PPFIA2: variants seen among roughly 807,000 people sequenced by gnomAD.
PPFIA2 encodes PPFI scaffold protein A2.
A neutral mutation model predicts 175.5 loss-of-function variants in PPFIA2; 46 were observed. The observed-to-expected ratio is 0.26, with a 90% confidence interval of 0.21 to 0.34. PPFIA2 has a LOEUF of 0.34. PPFIA2 is among the 10% of genes least tolerant of loss of function. The pLI, the probability that PPFIA2 is intolerant of heterozygous loss-of-function variation, is 1.00. For synonymous variants in PPFIA2, 568 were observed against 511.4 expected (o/e 1.11, Z -1.49); for missense variants, 1,179 against 1,506.1 (o/e 0.78, Z 3.60).
chr12:81,342,542 T>G (rs1025270957), intron 19 of PPFIA2, among the ~76,000 whole-genome samples: 1 of 152,168 alleles, frequency 6.6e-6, no homozygotes, highest in South Asian at 2.1e-4. Context: ...CTTAGGTAGG[T>G]AGGCATTTTT....
intron 7 of PPFIA2, among the ~76,000 whole-genome samples, chr12:81,439,196 T>C (rs1233153275): frequency 2.0e-5 from 3 of 149,784 alleles, no homozygotes; most frequent in African/African-American, 7.3e-5. Flanking sequence ...TATATATATA[T>C]ATAATTTTAT....
At chr12:81,528,125 T>C (rs2063963176) in intron 4 of PPFIA2, among the ~76,000 whole-genome samples, 1 of 126,544 alleles carries the variant, frequency 7.9e-6, no homozygotes, top group Non-Finnish European at 1.6e-5. Context: ...GAATAGTACC[T>C]ACCCCTTAGC....
intron 6 of PPFIA2, among the ~76,000 whole-genome samples, chr12:81,441,431 C>A (rs2050154727): frequency 6.6e-6 from 1 of 151,998 alleles, no homozygotes; most frequent in South Asian, 2.1e-4. Flanking sequence ...ATAATACACA[C>A]ATAAATGGAG....
chr12:81,354,690 C>T (rs1412274777), intron 16 of PPFIA2, among the ~76,000 whole-genome samples: 1 of 151,762 alleles, frequency 6.6e-6, no homozygotes, highest in Non-Finnish European at 1.5e-5. Context: ...GTTGCCCAGG[C>T]TGGAGGGCAG....
At chr12:81,640,472 T>A (rs1259434202) in intron 4 of PPFIA2, among the ~76,000 whole-genome samples, 1 of 152,140 alleles carries the variant, frequency 6.6e-6, no homozygotes, top group East Asian at 1.9e-4. Context: ...CAATATTTAG[T>A]TTTGGCTGCT....
chr12:81,329,897 C>T (rs2055741164), intron 21 of PPFIA2, among the ~76,000 whole-genome samples: 3 of 152,180 alleles, frequency 2.0e-5, no homozygotes. Context: ...GTGCCTTGCC[C>T]AGATGGCACT....
chr12:81,702,860 T>G (rs2076660721), intron 3 of PPFIA2, among the ~76,000 whole-genome samples: 1 of 152,148 alleles, frequency 6.6e-6, no homozygotes, highest in Admixed American at 6.5e-5. Context: ...AAAGTGGCAC[T>G]GGAGCTTCTT....
chr12:81,452,977 T>C (rs1448933828), intron 5 of PPFIA2, among the ~76,000 whole-genome samples: 4 of 151,126 alleles, frequency 2.6e-5, no homozygotes, highest in Non-Finnish European at 4.4e-5. Context: ...CTCAAAACCA[T>C]AACGTTTTTC....
intron 6 of PPFIA2, among the ~76,000 whole-genome samples, chr12:81,440,546 TTC>T (rs2049988016): frequency 6.6e-6 from 1 of 152,094 alleles, no homozygotes; most frequent in East Asian, 1.9e-4. Flanking sequence ...TGTTCTTCGC[TTC>T]TCTGTTTTTT....
intron 18 of PPFIA2, among the ~76,000 whole-genome samples, 190 bp downstream of exon 18, chr12:81,347,343 T>G (rs1344765360): frequency 6.6e-6 from 1 of 152,194 alleles, no homozygotes; most frequent in Non-Finnish European, 1.5e-5. Flanking sequence ...CCTGTGTGGG[T>G]TACCATTTCT....
intron 4 of PPFIA2, among the ~76,000 whole-genome samples, chr12:81,606,481 A>G (rs959865131): frequency 1.1e-4 from 17 of 151,892 alleles, no homozygotes; most frequent in Admixed American, 1.1e-3. Flanking sequence ...ACCAGCATCT[A>G]TTGTTTCCTG....
At chr12:81,608,442 A>G (rs1259919149) in intron 4 of PPFIA2, among the ~76,000 whole-genome samples, 1 of 151,976 alleles carries the variant, frequency 6.6e-6, no homozygotes, top group Non-Finnish European at 1.5e-5. Context: ...TTTGATTGGT[A>G]GGTTTCTTAT....
chr12:81,646,479 G>C (rs1480586043), intron 4 of PPFIA2, among the ~76,000 whole-genome samples: 2 of 152,152 alleles, frequency 1.3e-5, no homozygotes, highest in Non-Finnish European at 2.9e-5. Context: ...GCAGTAAGTA[G>C]GAAGCCACAA....
intron 4 of PPFIA2, among the ~76,000 whole-genome samples, chr12:81,506,340 C>T (rs1056816160): frequency 1.3e-5 from 2 of 152,056 alleles, no homozygotes; most frequent in Non-Finnish European, 2.9e-5. Flanking sequence ...TGAAACTTTC[C>T]CCAATCTTCC....
chr12:81,524,541 T>G (rs2063519899), intron 4 of PPFIA2, among the ~76,000 whole-genome samples: 1 of 152,210 alleles, frequency 6.6e-6, no homozygotes, highest in East Asian at 1.9e-4. Context: ...CCATTATATT[T>G]TGGAAGCACA....
At chr12:81,461,552 A>T (rs1020319487) in intron 4 of PPFIA2, among the ~76,000 whole-genome samples, 6 of 152,040 alleles carry the variant, frequency 3.9e-5, no homozygotes, top group African/African-American at 1.4e-4. Flanking sequence ...GTCAGAATTC[A>T]CATTTGAGGC....
At chr12:81,326,737 C>T (rs1347326367) in intron 21 of PPFIA2, among the ~76,000 whole-genome samples, 1 of 151,892 alleles carries the variant, frequency 6.6e-6, no homozygotes, top group African/African-American at 2.4e-5. Context: ...GGACTTACTC[C>T]TATGTTCTGA....
At chr12:81,462,087 A>G (rs899365533) in intron 4 of PPFIA2, among the ~76,000 whole-genome samples, 3 of 151,558 alleles carry the variant, frequency 2.0e-5, no homozygotes, top group Non-Finnish European at 2.9e-5. Flanking sequence ...AATTTAGAAG[A>G]TATTATTGGA....
At chr12:81,333,940 A>G (rs1325121171) in intron 21 of PPFIA2, among the ~76,000 whole-genome samples, 2 of 152,148 alleles carry the variant, frequency 1.3e-5, no homozygotes, top group African/African-American at 4.8e-5. Flanking sequence ...AACCAGTTAT[A>G]AATCCCACCT....
Sources: allele counts gnomAD v4.1 joint callset (sites outside exome capture counted in the v4.1 genomes callset), GRCh38; gene constraint gnomAD v4.1.1; transcripts MANE v1.5; gene names NCBI Gene and HGNC (gene_info 2026-07-23, HGNC 2026-07-21).